WBP4: variants seen among roughly 807,000 people sequenced by gnomAD.
The protein encoded by WBP4 is WW domain binding protein 4.
Under a neutral mutation model 55.4 loss-of-function variants are expected in WBP4, and 37 were observed. The observed-to-expected ratio is 0.67, with a 90% confidence interval of 0.51 to 0.88. The LOEUF (loss-of-function observed/expected upper bound fraction) is 0.88, where lower values mean the gene tolerates loss of function less well. Ranked by LOEUF, WBP4 falls within the 40% of genes least tolerant of loss-of-function variation. WBP4 has a pLI of 0.00. For synonymous variants in WBP4, 142 were observed against 140.2 expected, an observed-to-expected ratio of 1.01 and a Z score of -0.09; for missense variants, 398 against 420.8, an observed-to-expected ratio of 0.95 and a Z score of 0.47.
rs914684436 is a variant in WBP4 at position 41,083,022 on chromosome 13, A to G, written c.*108A>G. ...ATTATGATGCTAAAAATTTAGATTT[A>G]TTCTAAATGTATTTGATGTGAATTA... On this transcript the variant is annotated 3_prime_UTR_variant, in exon 10 of 10. Transcript: ENST00000379487. 1 of 1,032,934 alleles carries G rather than the reference A, an allele frequency of 9.7e-7. No individual in the cohort carries two copies. Among genetic ancestry groups the G allele is most frequent in the African/African-American group, 1.6e-5 (1 of 61,336 alleles). The allele number at this position is 1,032,934 out of a possible 1,614,324, so 64.0% of individuals were successfully genotyped here. A position where few individuals can be genotyped will look rare whatever the true frequency, so the allele number is the denominator to read the frequency against.
At chr13:41,076,022 G>A (rs1485831407) in intron 7 of WBP4, 22 bp from the exon 8 acceptor site, 7 of 1,598,294 alleles carry the variant, frequency 4.4e-6, no homozygotes, top group South Asian at 1.1e-5. Flanking sequence ...TAAATAACAT[G>A]ACTTTAAAAT....
At chr13:41,061,812 GC>G in intron 1 of WBP4, 137 bp downstream of exon 1, 1 of 1,420,066 alleles carries the variant, frequency 7.0e-7, no homozygotes, top group Non-Finnish European at 9.6e-7. Flanking sequence ...CTCGGGACCG[GC>G]CCCAGACCTG....
chr13:41,061,680 G>C lies in WBP4; in HGVS notation c.2+5G>C, dbSNP rs1471897616. 6.2e-7 allele frequency: 1 copy of C among 1,614,000 alleles called. No individual in the cohort carries two copies. Among genetic ancestry groups the C allele is most frequent in the Non-Finnish European group, 8.5e-7 (1 of 1,180,034 alleles). ...CAGAGCGGCTGGCGCAGTCATGTGA[G>C]TTGGGTCTCAGGCCCTGAACAACGA... On this transcript the variant is annotated splice_donor_5th_base_variant and intron_variant, in intron 1 of 9. Transcript: ENST00000379487.
rs1455025970 is a variant in WBP4 at position 41,080,689 on chromosome 13, A to T, written c.800A>T (p.Gln267Leu). 2 of 1,599,820 alleles carry T rather than the reference A, an allele frequency of 1.3e-6. No individual in the cohort carries two copies. The highest frequency in any genetic ancestry group is 2.7e-5 in the African/African-American group (2 of 73,676). The change falls in exon 9 of 10, where the codon CAG (glutamine) becomes CTG (leucine). Residue 267 changes from glutamine (Q) to leucine (L), a missense_variant. By Grantham distance (113) the Gln-to-Leu change is moderately radical. Transcript: ENST00000379487. Reference protein sequence around the residue: ...NSDGGSDPETQKEKSIQKQNS... With the variant: ...NSDGGSDPETLKEKSIQKQNS... Reference sequence around the variant, plus strand: ...GATGGAGGAAGTGACCCAGAAACACAGAAAGAAAAAAGTATTCAGAAACAG... The same window carrying T: ...GATGGAGGAAGTGACCCAGAAACACTGAAAGAAAAAAGTATTCAGAAACAG...
intron 2 of WBP4, among the ~76,000 whole-genome samples, chr13:41,063,184 A>T (rs1261443365): frequency 6.6e-6 from 1 of 152,208 alleles, no homozygotes; most frequent in Non-Finnish European, 1.5e-5. Flanking sequence ...CTCATGAAAC[A>T]AAGTAACAAC....
intron 6 of WBP4, 102 bp from the exon 7 acceptor site, chr13:41,072,680 C>A: frequency 1.1e-6 from 1 of 907,290 alleles, no homozygotes; most frequent in Non-Finnish European, 1.7e-6. Context: ...GATGATATCA[C>A]CAGGTGTCAG....
intron 4 of WBP4, 133 bp downstream of exon 4, chr13:41,065,420 CA>C: frequency 7.9e-7 from 1 of 1,267,796 alleles, no homozygotes; most frequent in Non-Finnish European, 1.0e-6. Context: ...TATTATGCAT[CA>C]TAGCCCTGTT....
intron 8 of WBP4, among the ~76,000 whole-genome samples, chr13:41,079,963 T>G (rs1260752610): frequency 6.7e-6 from 1 of 149,236 alleles, no homozygotes; most frequent in Non-Finnish European, 1.5e-5. Context: ...GTGAAATAAC[T>G]CAAAGTCAAA....
chr13:41,082,654 AC>A (rs1441531717), intron 9 of WBP4, 49 bp from the exon 10 acceptor site: 2 of 1,562,316 alleles, frequency 1.3e-6, no homozygotes, highest in Non-Finnish European at 1.8e-6. Flanking sequence ...TTATATGAAA[AC>A]GTTTGTCTTA....
intron 2 of WBP4, among the ~76,000 whole-genome samples, chr13:41,064,508 T>TAAAAAGTATAAAAGTGTTTTATACCAC (rs1877856549): frequency 1.3e-5 from 2 of 152,196 alleles, no homozygotes; most frequent in African/African-American, 4.8e-5. Flanking sequence ...ATTACCACAT[T>TAAAAAGTATAAAAGTGTTTTATACCAC]GTATAAAAGT....
chr13:41,082,786 G>A lies in WBP4; in HGVS notation c.1003G>A (p.Val335Met), dbSNP rs773808829. 4.3e-6 allele frequency: 7 copies of A among 1,614,148 alleles called. No homozygotes were observed. In the East Asian group the frequency reaches 1.1e-4, roughly 26 times the overall value. Residue 335 changes from valine (V) to methionine (M), a missense_variant, in exon 10 of 10, where the codon GTG becomes ATG. By Grantham distance (21) the Val-to-Met change is conservative. Coordinates refer to ENST00000379487, the MANE Select transcript of WBP4 (RefSeq NM_007187.5). ...AGCTGATGGTGGCGGAGAACCCAAA[G>A]TGGTATTTAAAGAAAAAACAGTCAC... ...SEADGGGEPK[V>M]VFKEKTVTSL... is the part of the protein sequence containing the mutation.
chr13:41,080,553 A>G (rs1878723232), intron 8 of WBP4, 93 bp from the exon 9 acceptor site: 1 of 939,744 alleles, frequency 1.1e-6, no homozygotes, highest in Non-Finnish European at 1.6e-6. Flanking sequence ...TATTGTTTAT[A>G]AATCTATAAC....
In WBP4 at chr13:41,062,338, A is replaced by T. The variant is rs1877719342; in HGVS notation, c.3-306A>T. On this transcript the variant is annotated intron_variant, in intron 1 of 9. Transcript: ENST00000379487. ...GCAACCTCCCCCAAAGCCAGAAAGG[A>T]TAAATGTTCTTCTAAGATGTTCCTT... 4 of 943,106 alleles carry T rather than the reference A, an allele frequency of 4.2e-6. No homozygotes were observed. In the African/African-American group the frequency reaches 7.1e-5, roughly 17 times the overall value. The allele number at this position is 943,106 out of a possible 1,614,324, so 58.4% of individuals were successfully genotyped here. A position where few individuals can be genotyped will look rare whatever the true frequency, so the allele number is the denominator to read the frequency against.
chr13:41,076,266 C>G, intron 8 of WBP4, 29 bp downstream of exon 8: 1 of 571,986 alleles, frequency 1.7e-6, no homozygotes, highest in Non-Finnish European at 2.7e-6. Flanking sequence ...CTCTTCACAT[C>G]AAATTTTTTT....
Position 41,065,171 on chromosome 13 carries a change from A to G in WBP4, c.146A>G (p.Gln49Arg). 6.2e-7 allele frequency: 1 copy of G among 1,611,340 alleles called. No homozygotes were observed. Among genetic ancestry groups the G allele is most frequent in the Middle Eastern group, 1.7e-4 (1 of 6,046 alleles). ...NVAKRISEIK[Q>R]KSLDKAKEEE... ...TATGTATGTCTTACATAGATTAAAC[A>G]GAAAAGCCTGGATAAGGCAAAGGAA... The change falls in exon 4 of 10, where the codon CAG (glutamine) becomes CGG (arginine). Residue 49 changes from glutamine to arginine, a missense_variant. By Grantham distance (43) the Gln-to-Arg change is conservative. Transcript: ENST00000379487.
chr13:41,070,364 G>A (rs1878185359), intron 5 of WBP4, among the ~76,000 whole-genome samples: 1 of 152,120 alleles, frequency 6.6e-6, no homozygotes, highest in Middle Eastern at 3.4e-3. Flanking sequence ...AATCCACACA[G>A]AACAATATGA....
intron 7 of WBP4, among the ~76,000 whole-genome samples, chr13:41,073,385 C>G (rs956656539): frequency 6.6e-6 from 1 of 151,736 alleles, no homozygotes; most frequent in Non-Finnish European, 1.5e-5. Context: ...TGTGGTGGCA[C>G]ATGCCTGTAA....
chr13:41,082,695 T>C lies in WBP4; in HGVS notation c.921-9T>C. On this transcript the variant is annotated splice_polypyrimidine_tract_variant and intron_variant, in intron 9 of 9. Transcript: ENST00000379487. ...GTCAAATAGAGTTTTACTTTAACTC[T>C]ATTTCCAGTGAGGAGGTAGATTTGG... is the stretch of plus-strand genomic sequence containing the variant. The C allele has an allele frequency of 6.2e-7, 1 of 1,613,460 alleles. No homozygotes were observed. Among genetic ancestry groups the C allele is most frequent in the Non-Finnish European group, 8.5e-7 (1 of 1,179,690 alleles).
At chr13:41,073,296 C>G (rs1878328985) in intron 7 of WBP4, among the ~76,000 whole-genome samples, 1 of 152,020 alleles carries the variant, frequency 6.6e-6, no homozygotes, top group Non-Finnish European at 1.5e-5. Context: ...GGTGGATCAC[C>G]TGAGGTCAGG....
Sources: gnomAD v4.1 joint callset for allele counts (sites outside exome capture counted in the v4.1 genomes callset) on GRCh38, gnomAD v4.1.1 for gene constraint, MANE v1.5 for transcripts, NCBI Gene and HGNC (gene_info 2026-07-23, HGNC 2026-07-21) for gene names.